The following EPB41 variants were observed in gnomAD, a reference collection of about 807,000 sequenced individuals.
The protein encoded by EPB41 is erythrocyte membrane protein band 4.1.
EPB41 carries 65 observed loss-of-function variants against 108.0 expected under a neutral mutation model. The observed-to-expected ratio is 0.60, with a 90% CI of 0.49 to 0.74. The LOEUF (loss-of-function observed/expected upper bound fraction) is 0.74, where lower values mean the gene tolerates loss of function less well. EPB41 is among the 30% of genes least tolerant of loss of function. The probability of loss-of-function intolerance (pLI) is 0.00; values close to 1 mark genes in which losing one functional copy is unlikely to be tolerated. For missense variants in EPB41, 875 were observed against 1,037.0 expected (o/e 0.84, Z 2.15); for synonymous variants, 336 against 358.9 (o/e 0.94, Z 0.72).
At chr1:29,082,145 G>A (rs1656946295) in intron 16 of EPB41, among the ~76,000 whole-genome samples, 1 of 152,146 alleles carries the variant, frequency 6.6e-6, no homozygotes, top group Admixed American at 6.5e-5. Flanking sequence ...TCGTTTTTGA[G>A]ACGGAGTCTC....
At chr1:29,079,753 G>A (rs958083905) in intron 16 of EPB41, among the ~76,000 whole-genome samples, 1 of 152,162 alleles carries the variant, frequency 6.6e-6, no homozygotes, top group Admixed American at 6.5e-5. Flanking sequence ...CCAACACTTT[G>A]GGAGGCTGAG....
chr1:29,000,079 A>G (rs2096265962), intron 4 of EPB41, among the ~76,000 whole-genome samples: 1 of 150,798 alleles, frequency 6.6e-6, no homozygotes, highest in East Asian at 1.9e-4. Flanking sequence ...ATGACCCACT[A>G]TGCCTTGCCA....
intron 7 of EPB41, among the ~76,000 whole-genome samples, chr1:29,028,618 G>T (rs945627448): frequency 6.6e-6 from 1 of 152,146 alleles, no homozygotes; most frequent in African/African-American, 2.4e-5. Context: ...CTTGAGTTTT[G>T]ACTTAAGTCT....
At chr1:28,972,899 G>T (rs368284953) in intron 1 of EPB41, among the ~76,000 whole-genome samples, 1 of 152,032 alleles carries the variant, frequency 6.6e-6, no homozygotes, top group South Asian at 2.1e-4. Context: ...CCACTGCAAG[G>T]CTTCATAAAG....
At chr1:29,085,217 AC>A (rs1658320290) in intron 16 of EPB41, among the ~76,000 whole-genome samples, 1 of 140,110 alleles carries the variant, frequency 7.1e-6, no homozygotes, top group Admixed American at 8.2e-5. Context: ...ACCTTGGCTC[AC>A]TGCAACCTCT....
chr1:28,956,004 T>C (rs1024905921), intron 1 of EPB41, among the ~76,000 whole-genome samples: 19 of 152,240 alleles, frequency 1.2e-4, no homozygotes, highest in Admixed American at 2.6e-4. Context: ...TAGGACCATA[T>C]GCATAATTCT....
intron 2 of EPB41, among the ~76,000 whole-genome samples, chr1:28,992,399 T>C (rs2096046146): frequency 6.6e-6 from 1 of 151,990 alleles, no homozygotes; most frequent in African/African-American, 2.4e-5. Flanking sequence ...AAAGTAAAAA[T>C]GTATGCCGGC....
chr1:28,938,086 G>A (rs2094121522), intron 1 of EPB41, among the ~76,000 whole-genome samples: 1 of 152,176 alleles, frequency 6.6e-6, no homozygotes, highest in African/African-American at 2.4e-5. Context: ...GTACCACATT[G>A]TCTTGATTAC....
chr1:29,044,370 A>C (rs1485886266), intron 11 of EPB41, among the ~76,000 whole-genome samples: 1 of 152,220 alleles, frequency 6.6e-6, no homozygotes, highest in Non-Finnish European at 1.5e-5. Context: ...TTTTCCTGAT[A>C]GCAAAGATAA....
At chr1:28,964,103 C>T (rs2095297476) in intron 1 of EPB41, among the ~76,000 whole-genome samples, 1 of 152,198 alleles carries the variant, frequency 6.6e-6, no homozygotes, top group Admixed American at 6.5e-5. Context: ...CTCTCACACA[C>T]ACATTAACAC....
intron 1 of EPB41, among the ~76,000 whole-genome samples, chr1:28,917,885 GTGCCCAGCTTAGT>G (rs2092799667): frequency 1.3e-5 from 2 of 151,694 alleles, no homozygotes; most frequent in Non-Finnish European, 2.9e-5. Context: ...ATGAGTCACT[GTGCCCAGCTTAGT>G]CTGTATTACA....
chr1:29,014,395 A>G (rs1412471735), intron 5 of EPB41, among the ~76,000 whole-genome samples: 2 of 152,044 alleles, frequency 1.3e-5, no homozygotes, highest in Non-Finnish European at 2.9e-5. Context: ...TTTAAAATAG[A>G]TGTTATAAAT....
chr1:28,967,075 G>A (rs1388528617), intron 1 of EPB41, among the ~76,000 whole-genome samples: 1 of 130,532 alleles, frequency 7.7e-6, no homozygotes, highest in Non-Finnish European at 1.5e-5. Context: ...CTGGAGTGCA[G>A]TGGCATGATC....
chr1:28,935,468 C>CACACACACACACACACACACACACACA lies in EPB41; in HGVS notation c.-8+20700_-8+20701insACACACACACACACACACACACACACA, dbSNP rs1491193201. ...ACACACACACACACACACACACACACCCCCCCCCCCCCAAGATCTACGCAC... is the reference window on the plus strand; with the variant it reads ...ACACACACACACACACACACACACACACACACACACACACACACACACACACACCCCCCCCCCCCAAGATCTACGCAC... On this transcript the variant is annotated intron_variant, in intron 1 of 20. Transcript: ENST00000343067. 8.1e-3 allele frequency among the ~76,000 whole-genome samples: 341 copies of CACACACACACACACACACACACACACA among 42,074 alleles called. 22 individuals carry two copies. Among genetic ancestry groups the CACACACACACACACACACACACACACA allele is most frequent in the South Asian group, 0.016 (12 of 734 alleles). 27.6% of individuals were successfully genotyped at this position (42,074 alleles called of 152,430 possible).
At chr1:28,927,816 A>G (rs1380423895) in intron 1 of EPB41, among the ~76,000 whole-genome samples, 1 of 152,084 alleles carries the variant, frequency 6.6e-6, no homozygotes, top group Non-Finnish European at 1.5e-5. Context: ...TTTGTTTTTG[A>G]TAGGGAAAAA....
At chr1:28,934,254 A>G (rs1157448772) in intron 1 of EPB41, among the ~76,000 whole-genome samples, 2 of 152,178 alleles carry the variant, frequency 1.3e-5, no homozygotes, top group Non-Finnish European at 2.9e-5. Context: ...TATCATTCTC[A>G]TTACTTCCTA....
intron 1 of EPB41, among the ~76,000 whole-genome samples, chr1:28,920,977 G>T (rs1052724543): frequency 6.6e-6 from 1 of 152,106 alleles, no homozygotes; most frequent in Non-Finnish European, 1.5e-5. Flanking sequence ...CTATGTTGCT[G>T]AGGTTGGTGT....
At chr1:29,112,526 A>G (rs1355513353) in intron 19 of EPB41, 78 bp downstream of exon 19, 2 of 1,210,306 alleles carry the variant, frequency 1.7e-6, no homozygotes, top group African/African-American at 3.0e-5. Context: ...TTTGTTTGCC[A>G]TCTTCATCTG....
intron 18 of EPB41, among the ~76,000 whole-genome samples, chr1:29,110,347 A>C (rs143648029): frequency 2.0e-5 from 3 of 152,178 alleles, no homozygotes; most frequent in Non-Finnish European, 2.9e-5. Context: ...CCTAAAACCT[A>C]TCTCTGTAAA....
Sources: allele counts gnomAD v4.1 joint callset (sites outside exome capture counted in the v4.1 genomes callset), GRCh38; gene constraint gnomAD v4.1.1; transcripts MANE v1.5; gene names NCBI Gene and HGNC (gene_info 2026-07-23, HGNC 2026-07-21).